Variants in MED12L observed in about 807,000 individuals in gnomAD.
MED12L encodes mediator complex subunit 12L, also known as mediator of RNA polymerase II transcription subunit 12-like protein.
In MED12L, 60 loss-of-function variants were observed where a neutral mutation model predicts 281.3. The observed-to-expected ratio is 0.21, with a 90% confidence interval of 0.17 to 0.26. The LOEUF (loss-of-function observed/expected upper bound fraction) is 0.26, where lower values mean the gene tolerates loss of function less well. Among genes scored for constraint, MED12L ranks in the 10% least tolerant of loss-of-function variants. The pLI is 1.00. For synonymous variants in MED12L, 974 were observed against 987.2 expected (o/e 0.99, Z 0.25); for missense variants, 2,146 against 2,680.9 (o/e 0.80, Z 4.41).
rs1213483364 is a variant in MED12L, at chr3:151,193,501, T to A, written c.2085T>A (p.Pro695=). The A allele has an allele frequency of 6.8e-6, 11 of 1,612,016 alleles. No individual in the cohort carries two copies. Among genetic ancestry groups the A allele is most frequent in the Non-Finnish European group, 9.3e-6 (11 of 1,178,908 alleles). ...TTTACATGACTTAGATTTTTTCTCC[T>A]ATGCCTGGAGAATCCTGTGAGAATG... ...DFGSEFPIFS[P]MPGESCENAN... is the part of the protein sequence containing the mutation. The change falls in exon 16 of 45, where the codon CCT becomes CCA. Residue 695 remains proline, a synonymous_variant. Coordinates refer to ENST00000687756, the MANE Select transcript of MED12L (RefSeq NM_001393769.1).
intron 17 of MED12L, among the ~76,000 whole-genome samples, chr3:151,353,528 G>A (rs1753510097): frequency 6.6e-6 from 1 of 152,194 alleles, no homozygotes. Flanking sequence ...AAATTCTGAT[G>A]TACTCTAGCA....
At chr3:151,366,314 C>G (rs1157631003) in intron 23 of MED12L, among the ~76,000 whole-genome samples, 2 of 152,150 alleles carry the variant, frequency 1.3e-5, no homozygotes, top group African/African-American at 4.8e-5. Context: ...ACCAACTGCC[C>G]TGGATTCCTC....
At position 151,436,509 on chromosome 3, in the gene MED12L, A is replaced by C; in HGVS notation, c.*3705A>C. On this transcript the variant is annotated 3_prime_UTR_variant, in exon 45 of 45. Transcript: ENST00000687756. The stretch of plus-strand genomic sequence containing the variant: ...AAAAGTTTGTTTTGAGATCCATTAA[A>C]TAAATCAGTATCATCAGTTCATAAT... 1 of 493,590 alleles carries C rather than the reference A, an allele frequency of 2.0e-6. No homozygotes were observed. The highest frequency in any genetic ancestry group is 3.5e-6 in the Non-Finnish European group (1 of 285,952). 30.6% of individuals were successfully genotyped at this position (493,590 alleles called of 1,614,324 possible).
intron 5 of MED12L, among the ~76,000 whole-genome samples, chr3:151,147,692 C>T (rs1286228049): frequency 2.0e-5 from 3 of 152,232 alleles, no homozygotes; most frequent in South Asian, 4.1e-4. Context: ...TTCAGTACTT[C>T]ATTCTCTCTT....
intron 16 of MED12L, among the ~76,000 whole-genome samples, chr3:151,303,262 A>G (rs913905145): frequency 6.6e-6 from 1 of 152,176 alleles, no homozygotes; most frequent in Admixed American, 6.5e-5. Context: ...TGAAAGGACA[A>G]ACACGTACTG....
chr3:151,391,094 C>G (rs1467875529), intron 38 of MED12L, among the ~76,000 whole-genome samples: 1 of 152,186 alleles, frequency 6.6e-6, no homozygotes, highest in East Asian at 1.9e-4. Context: ...CTTCATGATA[C>G]AGTGGACCCA....
chr3:151,432,902 ATTTC>A lies in MED12L; in HGVS notation c.*102_*105del. On this transcript the variant is annotated 3_prime_UTR_variant, in exon 45 of 45. Coordinates refer to ENST00000687756, the MANE Select transcript of MED12L (RefSeq NM_001393769.1). ...CATCTTAAAAATGTCCCTTTTTTTCATTTCTTTGACATTTTACTATATTTTATGC... is the reference window on the plus strand; with the variant it reads ...CATCTTAAAAATGTCCCTTTTTTTCATTTGACATTTTACTATATTTTATGC... The A allele has an allele frequency of 1.1e-6, 1 of 900,836 alleles. No individual in the cohort carries two copies. Among genetic ancestry groups the A allele is most frequent in the Non-Finnish European group, 1.7e-6 (1 of 598,440 alleles). The allele number at this position is 900,836 out of a possible 1,614,324, so 55.8% of individuals were successfully genotyped here. A position where few individuals can be genotyped will look rare whatever the true frequency, so the allele number is the denominator to read the frequency against.
chr3:151,406,254 T>C (rs906349436), intron 39 of MED12L, among the ~76,000 whole-genome samples: 3 of 152,234 alleles, frequency 2.0e-5, no homozygotes, highest in Non-Finnish European at 2.9e-5. Flanking sequence ...TATTCCCACA[T>C]TGTGGTTCTT....
intron 39 of MED12L, among the ~76,000 whole-genome samples, chr3:151,398,911 A>G (rs897336139): frequency 2.6e-5 from 4 of 152,218 alleles, no homozygotes; most frequent in African/African-American, 4.8e-5. Flanking sequence ...AAATAGAACA[A>G]TTATACTGTA....
rs188961581 is a variant in MED12L, at chr3:151,370,809, A to C, written c.3664+1260A>C. ...AATTATGTTGGAAGTGTGAATCTAT[A>C]AATGACAAATATGCTAATGGCAGAA... is the stretch of plus-strand genomic sequence containing the variant. On this transcript the variant is annotated intron_variant, in intron 26 of 44. Transcript: ENST00000687756. Among the ~76,000 whole-genome samples the C allele has an allele frequency of 8.5e-5, 13 of 152,350 alleles. No homozygotes were observed. In the East Asian group the frequency reaches 1.5e-3, roughly 18 times the overall value.
Position 151,300,306 on chromosome 3 carries a change from T to C in MED12L, c.2251-49753T>C, listed in dbSNP as rs1477373217. 1.0e-5 allele frequency: 6 copies of C among 602,854 alleles called. 1 individual carries two copies. Among genetic ancestry groups the C allele is most frequent in the Admixed American group, 2.7e-5 (1 of 36,566 alleles). 37.3% of individuals were successfully genotyped at this position (602,854 alleles called of 1,614,324 possible). A position where few individuals can be genotyped will look rare whatever the true frequency, so the allele number is the denominator to read the frequency against. The stretch of plus-strand genomic sequence containing the variant: ...AATTGCCTCCACGATTCAGAAAGCA[T>C]GTGCTCTTTGGAGATGAACACCTGG... On this transcript the variant is annotated intron_variant, in intron 16 of 44. Coordinates refer to ENST00000687756, the MANE Select transcript of MED12L (RefSeq NM_001393769.1).
intron 16 of MED12L, chr3:151,338,651 G>A: frequency 6.2e-7 from 1 of 1,613,826 alleles, no homozygotes; most frequent in Non-Finnish European, 8.5e-7. Context: ...AAATGACTGT[G>A]TTCTTAAGAA....
chr3:151,108,249 G>C (rs1481383291), intron 2 of MED12L, among the ~76,000 whole-genome samples: 1 of 147,574 alleles, frequency 6.8e-6, no homozygotes, highest in Non-Finnish European at 1.5e-5. Context: ...TGAGGGGCAG[G>C]TGGTGGGTGG....
chr3:151,391,924 A>G (rs774113821), intron 38 of MED12L, among the ~76,000 whole-genome samples: 5 of 152,216 alleles, frequency 3.3e-5, no homozygotes, highest in Admixed American at 6.5e-5. Context: ...GAAGGATGCA[A>G]TCATCATCCT....
At chr3:151,252,487 T>G (rs533026760) in intron 16 of MED12L, among the ~76,000 whole-genome samples, 3 of 152,146 alleles carry the variant, frequency 2.0e-5, no homozygotes, top group Non-Finnish European at 2.9e-5. Context: ...GGCAGTGTCT[T>G]AATTTTGCAT....
At chr3:151,242,556 C>A (rs1346954215) in intron 16 of MED12L, among the ~76,000 whole-genome samples, 1 of 152,208 alleles carries the variant, frequency 6.6e-6, no homozygotes, top group Non-Finnish European at 1.5e-5. Flanking sequence ...AGCTGAGGGT[C>A]CTGTCTGTTA....
At chr3:151,166,461 G>A (rs945255487) in intron 11 of MED12L, among the ~76,000 whole-genome samples, 2 of 151,916 alleles carry the variant, frequency 1.3e-5, no homozygotes, top group Non-Finnish European at 2.9e-5. Flanking sequence ...GTATATATAT[G>A]TGTATGCGTA....
intron 13 of MED12L, among the ~76,000 whole-genome samples, chr3:151,189,282 GCT>G (rs987368216): frequency 5.9e-5 from 9 of 152,294 alleles, no homozygotes; most frequent in Admixed American, 1.3e-4. Flanking sequence ...GAGACAAAGG[GCT>G]CTCTCAGTTA....
intron 5 of MED12L, among the ~76,000 whole-genome samples, chr3:151,147,405 TA>T (rs1717885863): frequency 6.6e-6 from 1 of 152,266 alleles, no homozygotes; most frequent in African/African-American, 2.4e-5. Context: ...TTCATCCATT[TA>T]AAGTCTACGG....
Sources: allele counts gnomAD v4.1 joint callset (sites outside exome capture counted in the v4.1 genomes callset), GRCh38; gene constraint gnomAD v4.1.1; transcripts MANE v1.5; gene names NCBI Gene and HGNC (gene_info 2026-07-23, HGNC 2026-07-21).